Variants in CACNA1E observed in about 807,000 individuals in gnomAD.
The protein encoded by CACNA1E is voltage-dependent R-type calcium channel subunit alpha-1E.
In CACNA1E, 40 loss-of-function variants were observed where a neutral mutation model predicts 259.2. That is an observed-to-expected ratio of 0.15 (90% CI 0.12 to 0.20). CACNA1E has a LOEUF of 0.20. Among genes scored for constraint, CACNA1E ranks in the 10% least tolerant of loss-of-function variants. The pLI is 1.00. For missense variants in CACNA1E, 1,874 were observed against 3,040.1 expected (o/e 0.62, Z 9.02); for synonymous variants, 1,104 against 1,138.5 (o/e 0.97, Z 0.61).
chr1:181,553,255 T>A (rs1421542263), intron 3 of CACNA1E, among the ~76,000 whole-genome samples: 1 of 152,198 alleles, frequency 6.6e-6, no homozygotes, highest in Non-Finnish European at 1.5e-5. Flanking sequence ...CTTATTCTTT[T>A]TGTAGCGATT....
At chr1:181,677,079 C>T (rs1438693345) in intron 7 of CACNA1E, among the ~76,000 whole-genome samples, 1 of 152,038 alleles carries the variant, frequency 6.6e-6, no homozygotes, top group Non-Finnish European at 1.5e-5. Flanking sequence ...CTTCTCTACT[C>T]CCTTTTGCTT....
chr1:181,336,812 A>G (rs1651746403), intron 1 of CACNA1E, among the ~76,000 whole-genome samples: 1 of 152,020 alleles, frequency 6.6e-6, no homozygotes, highest in South Asian at 2.1e-4. Context: ...TATAAGTAAC[A>G]TCCTACAGTA....
intron 7 of CACNA1E, among the ~76,000 whole-genome samples, chr1:181,659,599 A>G (rs1158435261): frequency 6.6e-6 from 1 of 152,204 alleles, no homozygotes; most frequent in East Asian, 1.9e-4. Context: ...AATATGGGGA[A>G]GCAGTTGAGC....
intron 7 of CACNA1E, among the ~76,000 whole-genome samples, chr1:181,670,851 G>C (rs181205248): frequency 6.9e-4 from 105 of 152,122 alleles, no homozygotes; most frequent in African/African-American, 1.8e-3. Context: ...TTTAGATCAA[G>C]GTACCCAGTG....
rs549125252 is a variant in CACNA1E at position 181,368,228 on chromosome 1, T to TA, written c.-14-44897dup. On this transcript the variant is annotated intron_variant, in intron 1 of 11. Transcript: ENST00000524607. ...CTGGGTGACAAAGAGAGACTCTGTC[T>TA]AAAAAAAATAAAATAAAAAGAAAAT... Among the ~76,000 whole-genome samples the TA allele has an allele frequency of 7.6e-3, 1,071 of 141,190 alleles. 15 individuals are homozygous for TA. Among genetic ancestry groups the TA allele is most frequent in the African/African-American group, 0.027 (1,012 of 37,562 alleles). The allele number at this position is 141,190 out of a possible 152,430, so 92.6% of individuals were successfully genotyped here.
chr1:181,784,666 G>A lies in CACNA1E; in HGVS notation c.5476G>A (p.Ala1826Thr), dbSNP rs762378008. Residue 1826 changes from alanine (A) to threonine (T), a missense_variant, in exon 41 of 48, where the codon GCA becomes ACA. Ala to Thr is a moderately conservative substitution (Grantham distance 58). Coordinates refer to ENST00000367573, the MANE Select transcript of CACNA1E (RefSeq NM_001205293.3). The part of the protein sequence containing the change: ...ALDIKIAKGG[A>T]DRQQLDSELQ... ...AGTAATTTATCTTATTCTAGGTGGT[G>A]CAGACAGGCAGCAGCTAGACTCAGA... is the stretch of plus-strand genomic sequence containing the variant. The A allele has an allele frequency of 3.2e-6, 5 of 1,568,884 alleles. No homozygotes were observed. Among genetic ancestry groups the A allele is most frequent in the Non-Finnish European group, 4.3e-6 (5 of 1,155,554 alleles).
intron 25 of CACNA1E, among the ~76,000 whole-genome samples, chr1:181,748,717 T>C (rs987652055): frequency 6.6e-6 from 1 of 152,256 alleles, no homozygotes; most frequent in African/African-American, 2.4e-5. Context: ...AATTTTTTAA[T>C]TGATTTCATT....
intron 1 of CACNA1E, among the ~76,000 whole-genome samples, chr1:181,332,673 T>C (rs1293404986): frequency 2.6e-5 from 4 of 152,236 alleles, no homozygotes; most frequent in African/African-American, 2.4e-5. Context: ...GAAGGAGACT[T>C]GACAGATGTA....
At chr1:181,541,217 TG>T (rs1411664635) in intron 3 of CACNA1E, among the ~76,000 whole-genome samples, 1 of 152,220 alleles carries the variant, frequency 6.6e-6, no homozygotes, top group Non-Finnish European at 1.5e-5. Context: ...ATTGCAAGGA[TG>T]TTCTTAAGGT....
intron 1 of CACNA1E, among the ~76,000 whole-genome samples, chr1:181,343,777 C>T (rs1393199891): frequency 1.3e-5 from 2 of 152,182 alleles, no homozygotes; most frequent in Non-Finnish European, 2.9e-5. Flanking sequence ...TTCCCATGAC[C>T]TCTCTAAAGA....
chr1:181,569,580 A>T (rs924731530), intron 3 of CACNA1E, among the ~76,000 whole-genome samples: 4 of 152,256 alleles, frequency 2.6e-5, no homozygotes, highest in Non-Finnish European at 5.9e-5. Context: ...GCAAAACATC[A>T]TGTGTAATTC....
At chr1:181,642,846 C>T (rs1445772908) in intron 6 of CACNA1E, among the ~76,000 whole-genome samples, 1 of 152,202 alleles carries the variant, frequency 6.6e-6, no homozygotes, top group Non-Finnish European at 1.5e-5. Flanking sequence ...CATCTGCCTC[C>T]CCAGCACCCT....
At chr1:181,507,180 T>A (rs940694483) in intron 1 of CACNA1E, among the ~76,000 whole-genome samples, 2 of 152,164 alleles carry the variant, frequency 1.3e-5, no homozygotes, top group African/African-American at 4.8e-5. Flanking sequence ...ATTACCAAAC[T>A]CCCACCTTTA....
intron 1 of CACNA1E, among the ~76,000 whole-genome samples, chr1:181,393,830 C>T (rs1656466677): frequency 6.6e-6 from 1 of 152,198 alleles, no homozygotes; most frequent in Admixed American, 6.5e-5. Context: ...AAAACCATTA[C>T]ATTTCAAGTA....
At chr1:181,512,754 C>A (rs1382244553) in intron 3 of CACNA1E, among the ~76,000 whole-genome samples, 1 of 152,168 alleles carries the variant, frequency 6.6e-6, no homozygotes, top group East Asian at 1.9e-4. Flanking sequence ...GATAAATAGA[C>A]TGGGATGACT....
chr1:181,342,183 C>T lies in CACNA1E; in HGVS notation c.-15+24060C>T, dbSNP rs116135436. Among the ~76,000 whole-genome samples, 872 of 152,248 alleles carry T rather than the reference C, an allele frequency of 5.7e-3. 5 individuals are homozygous for T. The highest frequency in any genetic ancestry group is 0.02 in the African/African-American group (830 of 41,532). On this transcript the variant is annotated intron_variant, in intron 1 of 11. Transcript: ENST00000524607. ...GCAGGTACAAAGGCCCAGAGGTTGACGCAGGCGTGGCATGTTCCAGAGGCT... is the reference window on the plus strand; with the variant it reads ...GCAGGTACAAAGGCCCAGAGGTTGATGCAGGCGTGGCATGTTCCAGAGGCT...
chr1:181,482,285 C>G (rs921710346), upstream of CACNA1E, among the ~76,000 whole-genome samples: 7 of 152,236 alleles, frequency 4.6e-5, 1 homozygote, highest in Non-Finnish European at 1.0e-4. Context: ...TGGCACCGCT[C>G]CCGGCACCGA....
At chr1:181,392,512 A>G (rs1245029062) in intron 1 of CACNA1E, among the ~76,000 whole-genome samples, 1 of 152,206 alleles carries the variant, frequency 6.6e-6, no homozygotes, top group Non-Finnish European at 1.5e-5. Flanking sequence ...TGGCCAGGAC[A>G]GGGAGTCATT....
intron 40 of CACNA1E, 43 bp from the exon 41 acceptor site, chr1:181,784,617 AT>A: frequency 7.4e-6 from 10 of 1,344,894 alleles, no homozygotes; most frequent in Non-Finnish European, 1.0e-5. Context: ...AGTCCTGGTT[AT>A]TTCTGGGTCT....
Sources: allele counts gnomAD v4.1 joint callset (sites outside exome capture counted in the v4.1 genomes callset), GRCh38; gene constraint gnomAD v4.1.1; transcripts MANE v1.5; gene names NCBI Gene and HGNC (gene_info 2026-07-23, HGNC 2026-07-21).